Variants in PTPRT observed in about 807,000 individuals in gnomAD.
PTPRT encodes protein tyrosine phosphatase receptor type T.
PTPRT carries 56 observed loss-of-function variants against 176.8 expected under a neutral mutation model. The ratio of observed to expected loss-of-function variants is 0.32; its 90% CI spans 0.26 to 0.40. PTPRT has a LOEUF of 0.40. PTPRT is among the 10% of genes least tolerant of loss of function. The pLI is 1.00. For synonymous variants in PTPRT, 783 were observed against 739.0 expected (o/e 1.06, Z -0.96); for missense variants, 1,540 against 1,908.2 (o/e 0.81, Z 3.60).
At chr20:42,754,310 C>T (rs1466927072) in intron 6 of PTPRT, among the ~76,000 whole-genome samples, 4 of 152,214 alleles carry the variant, frequency 2.6e-5, no homozygotes, top group South Asian at 2.1e-4. Context: ...CTCAACCTCC[C>T]GAGCAGCTGG....
At position 42,476,788 on chromosome 20, in the gene PTPRT, C is replaced by T. The variant is rs566207298; in HGVS notation, c.1154-4226G>A. Among the ~76,000 whole-genome samples, 15 of 152,244 alleles carry T rather than the reference C, an allele frequency of 9.9e-5. No individual in the cohort carries two copies. The South Asian group carries it at 3.1e-3, about 32-fold the overall frequency. The stretch of plus-strand genomic sequence containing the variant: ...TAGGAGCTACCCTTAGCACTTGTGT[C>T]CTAAAAACAACTCGACGGTATAGGA... On this transcript the variant is annotated intron_variant, in intron 7 of 30. Transcript: ENST00000373187.
intron 1 of PTPRT, among the ~76,000 whole-genome samples, chr20:43,113,549 C>T (rs1210578462): frequency 6.6e-6 from 1 of 152,114 alleles, no homozygotes; most frequent in Non-Finnish European, 1.5e-5. Flanking sequence ...GAAATAGTAT[C>T]CTGGGTCACC....
At chr20:42,438,715 T>C (rs1487658321) in intron 9 of PTPRT, among the ~76,000 whole-genome samples, 5 of 152,240 alleles carry the variant, frequency 3.3e-5, no homozygotes, top group African/African-American at 1.2e-4. Context: ...CAACCTTTAT[T>C]GTTTTCCACA....
chr20:42,707,175 T>G (rs977970736), intron 6 of PTPRT, among the ~76,000 whole-genome samples: 1 of 152,138 alleles, frequency 6.6e-6, no homozygotes, highest in African/African-American at 2.4e-5. Flanking sequence ...TGTTTTTTTG[T>G]TTGTTGTTTT....
chr20:42,614,399 A>G (rs1312878355), intron 7 of PTPRT, among the ~76,000 whole-genome samples: 1 of 152,186 alleles, frequency 6.6e-6, no homozygotes, highest in Non-Finnish European at 1.5e-5. Flanking sequence ...ATTCAGGTCC[A>G]TAGTACCTTG....
intron 13 of PTPRT, among the ~76,000 whole-genome samples, chr20:42,262,828 T>C (rs544339016): frequency 3.4e-5 from 5 of 148,866 alleles, no homozygotes; most frequent in Admixed American, 1.4e-4. Flanking sequence ...CCATGTTCAA[T>C]AGAAAACTTT....
intron 1 of PTPRT, among the ~76,000 whole-genome samples, chr20:43,145,706 G>A (rs2014148892): frequency 6.6e-6 from 1 of 152,250 alleles, no homozygotes; most frequent in South Asian, 2.1e-4. Flanking sequence ...CCAGATAACA[G>A]AGAATCACAC....
intron 2 of PTPRT, among the ~76,000 whole-genome samples, chr20:42,867,573 G>T (rs986339980): frequency 3.3e-5 from 5 of 151,526 alleles, no homozygotes; most frequent in South Asian, 2.1e-4. Flanking sequence ...AATGACAGAG[G>T]CAAAGACTGG....
intron 7 of PTPRT, among the ~76,000 whole-genome samples, chr20:42,582,214 G>C (rs897979162): frequency 2.6e-5 from 4 of 152,214 alleles, no homozygotes; most frequent in Non-Finnish European, 4.4e-5. Flanking sequence ...TTGTCTGCAG[G>C]CTCCCTTTCC....
intron 1 of PTPRT, among the ~76,000 whole-genome samples, chr20:42,949,018 A>G (rs1209318163): frequency 1.3e-5 from 2 of 152,084 alleles, no homozygotes; most frequent in Non-Finnish European, 2.9e-5. Context: ...TCCTCATCCC[A>G]CTGTTGGATA....
At chr20:42,654,968 T>G (rs527851442) in intron 7 of PTPRT, among the ~76,000 whole-genome samples, 1 of 152,218 alleles carries the variant, frequency 6.6e-6, no homozygotes, top group Non-Finnish European at 1.5e-5. Context: ...CTTTCCCATT[T>G]AGTCATCACG....
At chr20:42,906,080 A>T (rs1022681948) in intron 1 of PTPRT, among the ~76,000 whole-genome samples, 2 of 152,186 alleles carry the variant, frequency 1.3e-5, no homozygotes, top group African/African-American at 4.8e-5. Flanking sequence ...GAACCAAAAC[A>T]AAAACAAAAA....
chr20:42,607,428 T>C (rs1358630787), intron 7 of PTPRT: 2 of 152,142 alleles, frequency 1.3e-5, no homozygotes, highest in Non-Finnish European at 2.9e-5. Context: ...GGCCAGATCT[T>C]GGAACTGGAA....
intron 14 of PTPRT, among the ~76,000 whole-genome samples, chr20:42,245,264 C>T (rs2056428780): frequency 6.6e-6 from 1 of 152,164 alleles, no homozygotes; most frequent in South Asian, 2.1e-4. Flanking sequence ...TCCAGGATCC[C>T]TTCTTATAAT....
intron 2 of PTPRT, among the ~76,000 whole-genome samples, chr20:42,794,860 TG>T (rs2077430201): frequency 8.8e-6 from 1 of 114,046 alleles, no homozygotes; most frequent in Admixed American, 1.1e-4. Context: ...TGTAAGGTCT[TG>T]GGGGTGGGGG....
chr20:42,744,545 G>T (rs747721701), intron 6 of PTPRT, among the ~76,000 whole-genome samples: 5 of 152,182 alleles, frequency 3.3e-5, no homozygotes, highest in Admixed American at 1.3e-4. Context: ...GCCTGTGGGG[G>T]TTTCTAATGG....
intron 2 of PTPRT, among the ~76,000 whole-genome samples, chr20:42,835,006 A>C (rs1405642337): frequency 1.3e-5 from 2 of 152,202 alleles, no homozygotes; most frequent in Non-Finnish European, 2.9e-5. Context: ...GGAAGCTCCT[A>C]TATACCATGC....
chr20:42,209,191 G>T (rs1229290378), intron 15 of PTPRT, among the ~76,000 whole-genome samples: 2 of 152,166 alleles, frequency 1.3e-5, no homozygotes, highest in African/African-American at 2.4e-5. Flanking sequence ...ACAAGAGAAA[G>T]CAGGAAAGAT....
chr20:42,037,549 G>T, the PTPRT span, among the ~76,000 whole-genome samples: 2 of 152,168 alleles, frequency 1.3e-5, no homozygotes, highest in East Asian at 1.9e-4. Context: ...AGTGGCACCC[G>T]AGGGGCTAGA....
Sources: allele counts gnomAD v4.1 joint callset (sites outside exome capture counted in the v4.1 genomes callset), GRCh38; gene constraint gnomAD v4.1.1; transcripts MANE v1.5; gene names NCBI Gene and HGNC (gene_info 2026-07-23, HGNC 2026-07-21).